FNBP4: variants seen among roughly 807,000 people sequenced by gnomAD.
The protein encoded by FNBP4 is formin binding protein 4, also known as formin-binding protein 4.
Under a neutral mutation model 119.3 loss-of-function variants are expected in FNBP4, and 34 were observed. That is an observed-to-expected ratio of 0.28 (90% CI 0.22 to 0.38). FNBP4 has a LOEUF of 0.38. Among genes scored for constraint, FNBP4 ranks in the 10% least tolerant of loss-of-function variants. The pLI, the probability that FNBP4 is intolerant of heterozygous loss-of-function variation, is 1.00. For synonymous variants in FNBP4, 462 were observed against 430.6 expected, an observed-to-expected ratio of 1.07 and a Z score of -0.90; for missense variants, 1,112 against 1,228.9, an observed-to-expected ratio of 0.90 and a Z score of 1.42.
At chr11:47,763,782 G>C (rs2097641151) in intron 2 of FNBP4, among the ~76,000 whole-genome samples, 1 of 152,142 alleles carries the variant, frequency 6.6e-6, no homozygotes, top group African/African-American at 2.4e-5. Flanking sequence ...TTACAAGCGT[G>C]AGCCACTGTG....
chr11:47,717,226 A>T lies in FNBP4; in HGVS notation c.*196T>A. 2 of 505,240 alleles carry T rather than the reference A, an allele frequency of 4.0e-6. No individual in the cohort carries two copies. The highest frequency in any genetic ancestry group is 3.3e-5 in the East Asian group (1 of 29,972). The allele number at this position is 505,240 out of a possible 1,614,324, so 31.3% of individuals were successfully genotyped here. Reference sequence around the variant, plus strand: ...AGGCAGCATGGTCAAAGCAATTCCAATCACCTCATCCCTTTGCAAAAACAG... The same window carrying T: ...AGGCAGCATGGTCAAAGCAATTCCATTCACCTCATCCCTTTGCAAAAACAG... On this transcript the variant is annotated 3_prime_UTR_variant, in exon 17 of 17. Coordinates refer to ENST00000263773, the MANE Select transcript of FNBP4 (RefSeq NM_015308.5).
chr11:47,766,756 C>T (rs973134117), intron 1 of FNBP4, among the ~76,000 whole-genome samples: 3 of 152,286 alleles, frequency 2.0e-5, no homozygotes, highest in African/African-American at 7.2e-5. Flanking sequence ...CACATCCACC[C>T]TCTGCGTTAC....
chr11:47,717,814 T>C (rs1565115942), intron 16 of FNBP4, among the ~76,000 whole-genome samples: 1 of 152,188 alleles, frequency 6.6e-6, no homozygotes, highest in Non-Finnish European at 1.5e-5. Flanking sequence ...AATGGTGCGA[T>C]CTCGGCTCAC....
chr11:47,752,151 C>T (rs1001868330), intron 4 of FNBP4, among the ~76,000 whole-genome samples: 2 of 151,966 alleles, frequency 1.3e-5, no homozygotes, highest in Admixed American at 6.6e-5. Context: ...AGGTTGGGCG[C>T]GGTGGCTCAA....
chr11:47,724,944 T>G, intron 12 of FNBP4, 166 bp from the exon 13 acceptor site: 1 of 1,070,372 alleles, frequency 9.3e-7, no homozygotes, highest in Non-Finnish European at 1.3e-6. Flanking sequence ...GCTCCTTCCT[T>G]GAAAAAAATT....
At chr11:47,738,224 C>T (rs1401904256) in intron 8 of FNBP4, among the ~76,000 whole-genome samples, 1 of 152,186 alleles carries the variant, frequency 6.6e-6, no homozygotes, top group African/African-American at 2.4e-5. Context: ...TGCTTTCCAA[C>T]ACCTGCATAC....
chr11:47,737,596 T>C (rs1230300886), intron 8 of FNBP4, among the ~76,000 whole-genome samples: 1 of 147,938 alleles, frequency 6.8e-6, no homozygotes, highest in Non-Finnish European at 1.5e-5. Context: ...GGTGCCACCG[T>C]GTTCAGCTAG....
intron 2 of FNBP4, among the ~76,000 whole-genome samples, chr11:47,756,243 T>G (rs911670299): frequency 2.6e-5 from 4 of 152,140 alleles, no homozygotes; most frequent in Non-Finnish European, 4.4e-5. Context: ...ATATAATACA[T>G]AGAGTATTAT....
At chr11:47,754,458 G>A (rs908559061) in intron 3 of FNBP4, 70 bp downstream of exon 3, 5 of 1,509,536 alleles carry the variant, frequency 3.3e-6, no homozygotes, top group South Asian at 2.4e-5. Context: ...TGACAAGTAC[G>A]CTGACCACTT....
chr11:47,750,516 C>T (rs926195764), intron 6 of FNBP4, among the ~76,000 whole-genome samples: 8 of 149,134 alleles, frequency 5.4e-5, no homozygotes, highest in Admixed American at 4.0e-4. Flanking sequence ...AGTGAAACAC[C>T]GTCTCCACTA....
intron 6 of FNBP4, among the ~76,000 whole-genome samples, chr11:47,748,679 T>A (rs1003829307): frequency 6.6e-6 from 1 of 151,998 alleles, no homozygotes; most frequent in Non-Finnish European, 1.5e-5. Flanking sequence ...AGATGGAGTC[T>A]CACTCTGTCA....
Position 47,732,665 on chromosome 11 carries a change from T to C in FNBP4, c.1692A>G (p.Arg564=). The part of the protein sequence containing the change: ...FHVLLLQTET[R]IADWREGALN... Reference sequence around the variant, plus strand: ...GAGCCCCTTCCCGCCAGTCTGCAATTCGAGTCTAGAATAAACAGACAAATA... The same window carrying C: ...GAGCCCCTTCCCGCCAGTCTGCAATCCGAGTCTAGAATAAACAGACAAATA... Residue 564 remains arginine (R), a synonymous_variant, in exon 11 of 17, where the codon CGA becomes CGG. Transcript: ENST00000263773. This position sits in a 1 kb window ranked among gnomAD's most constrained non-coding sequence, Gnocchi z 4.2. 2 of 1,614,170 alleles carry C rather than the reference T, an allele frequency of 1.2e-6. No homozygotes were observed. Among genetic ancestry groups the C allele is most frequent in the Non-Finnish European group, 1.7e-6 (2 of 1,180,014 alleles).
Position 47,753,111 on chromosome 11 carries a change from T to A in FNBP4, c.451-9A>T. 1.2e-5 allele frequency: 19 copies of A among 1,585,296 alleles called. No individual in the cohort carries two copies. Among genetic ancestry groups the A allele is most frequent in the Non-Finnish European group, 1.5e-5 (18 of 1,169,940 alleles). ...GTTATGGCATCGATCTCCTTCAGTATGAAAAGAGTAACAAATGCAGTAATT... is the reference window on the plus strand; with the variant it reads ...GTTATGGCATCGATCTCCTTCAGTAAGAAAAGAGTAACAAATGCAGTAATT... On this transcript the variant is annotated splice_polypyrimidine_tract_variant and intron_variant, in intron 3 of 16. Transcript: ENST00000263773.
intron 16 of FNBP4, 130 bp from the exon 17 acceptor site, chr11:47,717,642 G>A: frequency 1.4e-6 from 1 of 695,478 alleles, no homozygotes; most frequent in Non-Finnish European, 2.4e-6. Flanking sequence ...AAAATCTTTT[G>A]TTTCTCAGCC....
intron 7 of FNBP4, among the ~76,000 whole-genome samples, chr11:47,745,278 T>C (rs1472634064): frequency 6.6e-6 from 1 of 152,150 alleles, no homozygotes; most frequent in Non-Finnish European, 1.5e-5. Context: ...TCTTCTTGCA[T>C]AGAGCCCATA....
At chr11:47,744,984 T>G (rs1175008955) in intron 7 of FNBP4, among the ~76,000 whole-genome samples, 4 of 152,248 alleles carry the variant, frequency 2.6e-5, no homozygotes, top group Admixed American at 2.6e-4. Flanking sequence ...GATTTCATTT[T>G]AATATGGACA....
At chr11:47,728,826 AG>A (rs1475135543) in intron 12 of FNBP4, among the ~76,000 whole-genome samples, 57 of 148,734 alleles carry the variant, frequency 3.8e-4, no homozygotes, top group African/African-American at 1.4e-3. Context: ...ACTGCACCTA[AG>A]AACCTTGCTT....
At chr11:47,724,413 G>A in intron 13 of FNBP4, 55 bp downstream of exon 13, 1 of 1,611,994 alleles carries the variant, frequency 6.2e-7, no homozygotes, top group Non-Finnish European at 8.5e-7. Context: ...AAAACATGGT[G>A]TCAATCATGT....
intron 12 of FNBP4, chr11:47,726,380 G>C (rs2097560949): frequency 6.7e-6 from 1 of 148,896 alleles, no homozygotes; most frequent in Non-Finnish European, 1.5e-5. Flanking sequence ...GACTACAGGT[G>C]TGCATCACCA....
Sources: allele counts gnomAD v4.1 joint callset (sites outside exome capture counted in the v4.1 genomes callset), GRCh38; gene constraint gnomAD v4.1.1; non-coding constraint Gnocchi (gnomAD v3.1); transcripts MANE v1.5; gene names NCBI Gene and HGNC (gene_info 2026-07-23, HGNC 2026-07-21).